The following STK31 variants were observed in gnomAD, a reference collection of about 807,000 sequenced individuals.
STK31 encodes the protein serine/threonine-protein kinase 31.
A neutral mutation model predicts 129.7 loss-of-function variants in STK31; 89 were observed. That is an observed-to-expected ratio of 0.69 (90% CI 0.58 to 0.82). The LOEUF (loss-of-function observed/expected upper bound fraction) is 0.82, where lower values mean the gene tolerates loss of function less well. Ranked by LOEUF, STK31 falls within the 40% of genes least tolerant of loss-of-function variation. STK31 has a pLI of 0.00. For synonymous variants in STK31, 448 were observed against 395.3 expected (o/e 1.13, Z -1.58); for missense variants, 1,187 against 1,176.4 (o/e 1.01, Z -0.13).
At chr7:23,804,308 C>T (rs1792558100) in intron 22 of STK31, among the ~76,000 whole-genome samples, 1 of 152,158 alleles carries the variant, frequency 6.6e-6, no homozygotes, top group East Asian at 1.9e-4. Flanking sequence ...ATATTATACA[C>T]TTATTTATCT....
Position 23,735,653 on chromosome 7 carries a change from G to C in STK31, c.599G>C (p.Gly200Ala). 3 of 1,614,046 alleles carry C rather than the reference G, an allele frequency of 1.9e-6. No individual in the cohort carries two copies. The highest frequency in any genetic ancestry group is 2.5e-6 in the Non-Finnish European group (3 of 1,180,030). The change falls in exon 7 of 24, where the codon GGG (glycine) becomes GCG (alanine). Residue 200 changes from glycine to alanine, a missense_variant. Gly to Ala is a moderately conservative substitution (Grantham distance 60, BLOSUM62 0). Transcript: ENST00000355870. ...AQAEYGSVDI[G>A]EEVLKKGFAE... ...GCTGAGTATGGCAGTGTGGATATAG[G>C]GGAAGAGGTGCTTAAGAAAGGATTT...
At chr7:23,751,057 A>G (rs1788680747) in intron 8 of STK31, among the ~76,000 whole-genome samples, 3 of 152,218 alleles carry the variant, frequency 2.0e-5, no homozygotes, top group Admixed American at 2.0e-4. Flanking sequence ...TCTGGTATCT[A>G]TCATTCCACT....
intron 21 of STK31, 66 bp downstream of exon 21, chr7:23,788,195 C>A: frequency 1.5e-6 from 2 of 1,365,266 alleles, no homozygotes; most frequent in Non-Finnish European, 2.0e-6. Flanking sequence ...AGTAGTTCAG[C>A]ACTTATATAT....
intron 6 of STK31, among the ~76,000 whole-genome samples, chr7:23,729,861 A>G (rs1229654004): frequency 6.6e-6 from 1 of 152,136 alleles, no homozygotes; most frequent in Non-Finnish European, 1.5e-5. Flanking sequence ...TTATTTCTAT[A>G]ATTGTTTTGG....
At chr7:23,713,972 C>T (rs945172069) in intron 3 of STK31, among the ~76,000 whole-genome samples, 5 of 152,014 alleles carry the variant, frequency 3.3e-5, no homozygotes, top group Non-Finnish European at 4.4e-5. Context: ...GACTGGGGCA[C>T]GGTAGGTTTA....
chr7:23,784,223 A>T (rs555215819), intron 17 of STK31, among the ~76,000 whole-genome samples: 1 of 152,262 alleles, frequency 6.6e-6, no homozygotes, highest in Non-Finnish European at 1.5e-5. Flanking sequence ...TAGTCCTGCG[A>T]TTTATATTGC....
intron 22 of STK31, among the ~76,000 whole-genome samples, chr7:23,793,219 C>A (rs1321796062): frequency 1.3e-5 from 2 of 152,170 alleles, no homozygotes; most frequent in Non-Finnish European, 2.9e-5. Flanking sequence ...AATTTTGATT[C>A]ATTTCTTATA....
intron 22 of STK31, among the ~76,000 whole-genome samples, chr7:23,805,586 T>C (rs1392488220): frequency 6.6e-6 from 1 of 152,048 alleles, no homozygotes; most frequent in Non-Finnish European, 1.5e-5. Flanking sequence ...TGGGCTCAAG[T>C]GATCCTCCTG....
Position 23,786,653 on chromosome 7 carries a change from C to T in STK31, c.2400+20C>T. ...TGTAAGGTAAAGTTCTTATGCTAAT[C>T]TCTTGCAGAAACCATTTTATCTTGC... On this transcript the variant is annotated intron_variant, in intron 19 of 23. Coordinates refer to ENST00000355870, the MANE Select transcript of STK31 (RefSeq NM_031414.5). 1 of 1,599,196 alleles carries T rather than the reference C, an allele frequency of 6.3e-7. No homozygotes were observed. Among genetic ancestry groups the T allele is most frequent in the Non-Finnish European group, 8.5e-7 (1 of 1,176,198 alleles).
chr7:23,785,567 A>G lies in STK31; in HGVS notation c.2238A>G (p.Val746=). 6.2e-7 allele frequency: 1 copy of G among 1,613,928 alleles called. No homozygotes were observed. The highest frequency in any genetic ancestry group is 8.5e-7 in the Non-Finnish European group (1 of 1,179,864). Residue 746 remains valine, a synonymous_variant, in exon 18 of 24, where the codon GTA becomes GTG. Transcript: ENST00000355870. The stretch of plus-strand genomic sequence containing the variant: ...AACTTAGCAGCAAGCGTCCTTTGGT[A>G]CGTTCTGAGGTTAATGGGCAGATAA... ...MKELSSKRPL[V]RSEVNGQIIL...
At chr7:23,794,401 C>T (rs1791825822) in intron 22 of STK31, among the ~76,000 whole-genome samples, 1 of 152,210 alleles carries the variant, frequency 6.6e-6, no homozygotes, top group Non-Finnish European at 1.5e-5. Context: ...TCATGCTGAA[C>T]TGTGAGTCAA....
intron 6 of STK31, among the ~76,000 whole-genome samples, chr7:23,731,355 T>G (rs1266240569): frequency 6.6e-6 from 1 of 152,194 alleles, no homozygotes; most frequent in Non-Finnish European, 1.5e-5. Flanking sequence ...CTATATGAAG[T>G]CTTTGCTAAT....
intron 4 of STK31, among the ~76,000 whole-genome samples, chr7:23,717,896 A>G (rs1786447532): frequency 6.6e-6 from 1 of 152,184 alleles, no homozygotes; most frequent in Admixed American, 6.5e-5. Context: ...TCATAGAGAC[A>G]GAAAAAGTGA....
At chr7:23,742,955 T>C (rs1788140071) in intron 8 of STK31, among the ~76,000 whole-genome samples, 2 of 13,864 alleles carry the variant, frequency 1.4e-4, no homozygotes, top group South Asian at 8.1e-3. Flanking sequence ...TTTTATACTT[T>C]TTTTTTTTTT....
At chr7:23,718,455 G>T (rs566379107) in intron 4 of STK31, among the ~76,000 whole-genome samples, 2 of 151,988 alleles carry the variant, frequency 1.3e-5, no homozygotes, top group Admixed American at 6.6e-5. Flanking sequence ...ATCAACATAT[G>T]GTTCTATCAT....
intron 23 of STK31, among the ~76,000 whole-genome samples, chr7:23,823,420 C>A (rs1351704622): frequency 6.6e-6 from 1 of 152,090 alleles, no homozygotes; most frequent in African/African-American, 2.4e-5. Context: ...TGTTCATATC[C>A]TTCATCCACT....
intron 15 of STK31, among the ~76,000 whole-genome samples, chr7:23,778,903 G>A (rs369081480): frequency 2.0e-5 from 3 of 152,192 alleles, no homozygotes; most frequent in East Asian, 3.9e-4. Context: ...TCCTTTGGAG[G>A]AGAAAAGATG....
At chr7:23,814,122 T>C (rs1338811691) in intron 22 of STK31, among the ~76,000 whole-genome samples, 2 of 138,706 alleles carry the variant, frequency 1.4e-5, no homozygotes, top group Non-Finnish European at 3.0e-5. Flanking sequence ...GGCTTAGGAG[T>C]TGGGAAACAT....
At chr7:23,787,540 T>C (rs1296183866) in intron 20 of STK31, among the ~76,000 whole-genome samples, 1 of 151,880 alleles carries the variant, frequency 6.6e-6, no homozygotes, top group African/African-American at 2.4e-5. Flanking sequence ...TCCTGTAAGA[T>C]CAGTAGAGGC....
Sources: gnomAD v4.1 joint callset for allele counts (sites outside exome capture counted in the v4.1 genomes callset) on GRCh38, gnomAD v4.1.1 for gene constraint, MANE v1.5 for transcripts, NCBI Gene and HGNC (gene_info 2026-07-23, HGNC 2026-07-21) for gene names.